Variants in PEAK1 observed in about 807,000 individuals in gnomAD.
PEAK1 encodes pseudopodium enriched atypical kinase 1, also known as inactive tyrosine-protein kinase PEAK1.
A neutral mutation model predicts 124.7 loss-of-function variants in PEAK1; 54 were observed. That is an observed-to-expected ratio of 0.43 (90% CI 0.35 to 0.54). PEAK1 has a LOEUF of 0.54. PEAK1 is among the 20% of genes least tolerant of loss of function. The pLI, the probability that PEAK1 is intolerant of heterozygous loss-of-function variation, is 0.01. For missense variants in PEAK1, 2,046 were observed against 2,134.5 expected (o/e 0.96, Z 0.82); for synonymous variants, 719 against 760.0 (o/e 0.95, Z 0.89).
At chr15:77,339,985 A>G (rs1745603354) in intron 2 of PEAK1, among the ~76,000 whole-genome samples, 1 of 152,220 alleles carries the variant, frequency 6.6e-6, no homozygotes, top group South Asian at 2.1e-4. Context: ...TCAAAACACA[A>G]CACCAAATGC....
At chr15:77,271,227 T>C (rs2062013375) in intron 5 of PEAK1, among the ~76,000 whole-genome samples, 1 of 152,080 alleles carries the variant, frequency 6.6e-6, no homozygotes, top group South Asian at 2.1e-4. Context: ...TAAACCGCAA[T>C]GAGATACCAT....
rs768086297 is a variant in PEAK1, at chr15:77,180,065, T to C, written c.1862A>G (p.Lys621Arg). 19 of 1,613,948 alleles carry C rather than the reference T, an allele frequency of 1.2e-5. No homozygotes were observed. The highest frequency in any genetic ancestry group is 3.3e-5 in the Admixed American group (2 of 60,004). The change falls in exon 7 of 10, where the codon AAA becomes AGA. Residue 621 changes from lysine to arginine, a missense_variant. Physicochemically the swap from Lys to Arg is conservative, Grantham distance 26. Coordinates refer to ENST00000682557, the MANE Select transcript of PEAK1 (RefSeq NM_001385026.1). ...HDEPTYARSSKNAIKVPIVIN... is the reference protein window; with the variant it reads ...HDEPTYARSSRNAIKVPIVIN... ...AACAATGGGAACTTTGATAGCATTT[T>C]TGGAACTCCGAGCATAAGTTGGCTC...
At chr15:77,219,286 AT>A (rs887405188) in intron 6 of PEAK1, among the ~76,000 whole-genome samples, 3 of 152,162 alleles carry the variant, frequency 2.0e-5, no homozygotes, top group African/African-American at 7.2e-5. Context: ...TTCAGCAATG[AT>A]TGATGACCCC....
At chr15:77,223,886 A>AT (rs10719377) in intron 6 of PEAK1, among the ~76,000 whole-genome samples, 21,048 of 121,524 alleles carry the variant, frequency 0.17, 2,054 homozygotes, top group Middle Eastern at 0.23. Context: ...CATTTGAGAG[A>AT]TTTTTTTTTT....
chr15:77,148,256 C>T (rs2054311464), intron 8 of PEAK1, among the ~76,000 whole-genome samples: 1 of 152,132 alleles, frequency 6.6e-6, no homozygotes, highest in African/African-American at 2.4e-5. Flanking sequence ...ACGGGAGATT[C>T]TGAAGGAGGG....
At chr15:77,407,414 A>G (rs1341902583) in intron 1 of PEAK1, among the ~76,000 whole-genome samples, 1 of 152,200 alleles carries the variant, frequency 6.6e-6, no homozygotes, top group African/African-American at 2.4e-5. Flanking sequence ...GAACTCAAAC[A>G]AATCAGCAAG....
chr15:77,158,145 G>T (rs1347101002), intron 8 of PEAK1: 1 of 173,022 alleles, frequency 5.8e-6, no homozygotes, highest in Admixed American at 5.6e-5. Flanking sequence ...TCTCCAGAAA[G>T]GTATCTTTTG....
intron 2 of PEAK1, among the ~76,000 whole-genome samples, chr15:77,324,289 G>A (rs111362090): frequency 1.3e-5 from 2 of 152,184 alleles, no homozygotes; most frequent in African/African-American, 4.8e-5. Context: ...GACCAGCATG[G>A]CCCACATGGT....
chr15:77,338,326 T>C (rs1366394385), intron 2 of PEAK1, among the ~76,000 whole-genome samples: 1 of 152,170 alleles, frequency 6.6e-6, no homozygotes, highest in African/African-American at 2.4e-5. Context: ...ATCAAGTCAC[T>C]TTCCTCTTGC....
chr15:77,282,246 C>T (rs563103628), intron 5 of PEAK1, among the ~76,000 whole-genome samples: 7 of 152,208 alleles, frequency 4.6e-5, no homozygotes, highest in Admixed American at 2.0e-4. Flanking sequence ...AAGAGTTCCT[C>T]GAATTTCCAT....
At chr15:77,306,834 C>T (rs891676230) in intron 2 of PEAK1, among the ~76,000 whole-genome samples, 5 of 152,054 alleles carry the variant, frequency 3.3e-5, no homozygotes, top group African/African-American at 1.2e-4. Flanking sequence ...GTGCTATTGC[C>T]AACATTACCT....
chr15:77,242,644 G>T (rs1435689731), intron 6 of PEAK1, among the ~76,000 whole-genome samples: 1 of 152,050 alleles, frequency 6.6e-6, no homozygotes, highest in Admixed American at 6.5e-5. Flanking sequence ...ATTGTTTTTA[G>T]ATTTTCCTAT....
chr15:77,126,682 T>G (rs1467066508), intron 9 of PEAK1, among the ~76,000 whole-genome samples: 1 of 152,198 alleles, frequency 6.6e-6, no homozygotes, highest in Non-Finnish European at 1.5e-5. Flanking sequence ...GCAGTTAATA[T>G]ACACTGATGT....
At chr15:77,263,139 C>T (rs1028247431) in intron 5 of PEAK1, among the ~76,000 whole-genome samples, 1 of 152,104 alleles carries the variant, frequency 6.6e-6, no homozygotes, top group Non-Finnish European at 1.5e-5. Flanking sequence ...TAAATGCCCA[C>T]AAGAGAAACC....
rs1056275651 is a variant in PEAK1 at position 77,110,594 on chromosome 15, AAT to A, written c.*3560_*3561del. On this transcript the variant is annotated 3_prime_UTR_variant, in exon 10 of 10. Coordinates refer to ENST00000682557, the MANE Select transcript of PEAK1 (RefSeq NM_001385026.1). ...TACTCCAACTGTTAAAATCCTAACC[AAT>A]ATGTTTTACTTCTAGCTCCTCAACA... 1 of 152,152 alleles carries A rather than the reference AAT, an allele frequency of 6.6e-6. No individual in the cohort carries two copies. The highest frequency in any genetic ancestry group is 1.5e-5 in the Non-Finnish European group (1 of 68,014). The allele number at this position is 152,152 out of a possible 1,614,324, so 9.4% of individuals were successfully genotyped here. A position where few individuals can be genotyped will look rare whatever the true frequency, so the allele number is the denominator to read the frequency against.
intron 6 of PEAK1, among the ~76,000 whole-genome samples, chr15:77,231,600 A>G (rs2059912198): frequency 6.6e-6 from 1 of 152,196 alleles, no homozygotes; most frequent in African/African-American, 2.4e-5. Context: ...TGTAAGTAAA[A>G]AAAAGTTTTA....
chr15:77,137,404 C>A (rs1052877715), intron 8 of PEAK1, among the ~76,000 whole-genome samples: 1 of 152,194 alleles, frequency 6.6e-6, no homozygotes, highest in African/African-American at 2.4e-5. Flanking sequence ...CTCAAAGCAG[C>A]TGGGAGGGAG....
intron 6 of PEAK1, among the ~76,000 whole-genome samples, chr15:77,217,783 TAATA>T (rs987704392): frequency 4.6e-5 from 7 of 152,330 alleles, no homozygotes; most frequent in Admixed American, 2.0e-4. Context: ...GAGCTTTTGT[TAATA>T]AATAAAGTTT....
chr15:77,395,617 A>C (rs1260063635), intron 1 of PEAK1, among the ~76,000 whole-genome samples: 1 of 152,168 alleles, frequency 6.6e-6, no homozygotes, highest in African/African-American at 2.4e-5. Context: ...GAGACTTTTC[A>C]GTGGAAACTT....
Sources: gnomAD v4.1 joint callset for allele counts (sites outside exome capture counted in the v4.1 genomes callset) on GRCh38, gnomAD v4.1.1 for gene constraint, MANE v1.5 for transcripts, NCBI Gene and HGNC (gene_info 2026-07-23, HGNC 2026-07-21) for gene names.